Variants in EIF4G3 observed in about 807,000 individuals in gnomAD.
EIF4G3 encodes the protein eukaryotic translation initiation factor 4 gamma 3, also known as eIF-4-gamma 3.
In EIF4G3, 34 loss-of-function variants were observed where a neutral mutation model predicts 186.4. That is an observed-to-expected ratio of 0.18 (90% CI 0.14 to 0.24). The LOEUF is 0.24. Ranked by LOEUF, EIF4G3 falls within the 10% of genes least tolerant of loss-of-function variation. The probability of loss-of-function intolerance (pLI) is 1.00; values close to 1 mark genes in which losing one functional copy is unlikely to be tolerated. For missense variants in EIF4G3, 1,536 were observed against 1,948.5 expected, an observed-to-expected ratio of 0.79 and a Z score of 3.99; for synonymous variants, 673 against 679.5, an observed-to-expected ratio of 0.99 and a Z score of 0.15.
chr1:21,057,572 T>G (rs1196867661), intron 3 of EIF4G3, among the ~76,000 whole-genome samples: 3 of 152,132 alleles, frequency 2.0e-5, no homozygotes, highest in African/African-American at 7.2e-5. Context: ...AGAAAGGGCA[T>G]GTGATTTTTT....
rs552484065 is a variant in EIF4G3, at chr1:20,907,664, A to G, written c.1664-2693T>C. 8.5e-4 allele frequency among the ~76,000 whole-genome samples: 129 copies of G among 151,684 alleles called. 1 individual carries two copies. Among genetic ancestry groups the G allele is most frequent in the African/African-American group, 3.0e-3 (125 of 41,330 alleles). ...GTGTTTGGTTTTCTTTGTCCTTGCG[A>G]TATTTTGCTGAGAATGATGGTTTCC... On this transcript the variant is annotated intron_variant, in intron 14 of 36. Transcript: ENST00000602326.
rs770111438 is a variant in EIF4G3 at position 20,973,098 on chromosome 1, T to C, written c.495A>G (p.Gly165=). 1 of 1,607,282 alleles carries C rather than the reference T, an allele frequency of 6.2e-7. No individual in the cohort carries two copies. The highest frequency in any genetic ancestry group is 8.5e-7 in the Non-Finnish European group (1 of 1,178,276). ...CCGGCTGACTTGGGTAAAAAGGCGTTCCTAAAAAGTTGGAAAAAATTAAAT... is the reference window on the plus strand; with the variant it reads ...CCGGCTGACTTGGGTAAAAAGGCGTCCCTAAAAAGTTGGAAAAAATTAAAT... ...PGPGDFPNAY[G]TPFYPSQPVY... Residue 165 remains glycine, a splice_region_variant and synonymous_variant, in exon 11 of 37, where the codon GGA becomes GGG. Transcript: ENST00000602326.
rs374925916 is a variant in EIF4G3 at position 21,150,091 on chromosome 1, G to C, written c.-272+26084C>G. 6.2e-4 allele frequency among the ~76,000 whole-genome samples: 94 copies of C among 152,300 alleles called. 1 individual carries two copies. The South Asian group carries it at 0.019, about 30-fold the overall frequency. The stretch of plus-strand genomic sequence containing the variant: ...CAATTCTTGTGGCCACAACCATTAA[G>C]AGAATCCTGAGCCAGGACATTCTCC... On this transcript the variant is annotated intron_variant, in intron 2 of 36. Coordinates refer to ENST00000602326, the MANE Select transcript of EIF4G3 (RefSeq NM_001391906.1).
At chr1:20,897,252 T>C (rs2088548201) in intron 16 of EIF4G3, among the ~76,000 whole-genome samples, 1 of 152,082 alleles carries the variant, frequency 6.6e-6, no homozygotes, top group Admixed American at 6.6e-5. Context: ...TAAGTAACCT[T>C]TGGCCAGGGA....
intron 14 of EIF4G3, among the ~76,000 whole-genome samples, chr1:20,934,959 T>C (rs2095471239): frequency 6.6e-6 from 1 of 152,182 alleles, no homozygotes; most frequent in Non-Finnish European, 1.5e-5. Context: ...TAAAACTTCC[T>C]AATACATCAC....
intron 14 of EIF4G3, among the ~76,000 whole-genome samples, chr1:20,930,919 G>A (rs993911314): frequency 2.0e-5 from 3 of 151,836 alleles, no homozygotes; most frequent in African/African-American, 7.3e-5. Flanking sequence ...TTGTGCAGAT[G>A]AACTTTGAAG....
At chr1:21,014,657 T>C (rs2088323379) in intron 4 of EIF4G3, among the ~76,000 whole-genome samples, 1 of 144,074 alleles carries the variant, frequency 6.9e-6, no homozygotes, top group African/African-American at 2.6e-5. Context: ...TTTTTTGGTA[T>C]GGAGTCCTAT....
chr1:20,922,883 TA>T (rs2094580104), intron 14 of EIF4G3, among the ~76,000 whole-genome samples: 1 of 152,232 alleles, frequency 6.6e-6, no homozygotes, highest in South Asian at 2.1e-4. Context: ...GCAAATCTGT[TA>T]ATGAATAAAT....
chr1:20,956,933 A>C (rs936832783), intron 12 of EIF4G3, among the ~76,000 whole-genome samples: 4 of 152,232 alleles, frequency 2.6e-5, no homozygotes, highest in Non-Finnish European at 5.9e-5. Flanking sequence ...AGGGGTCACA[A>C]ACTCAAATCC....
intron 4 of EIF4G3, among the ~76,000 whole-genome samples, chr1:21,013,015 C>T (rs543617380): frequency 5.9e-5 from 9 of 151,998 alleles, no homozygotes; most frequent in South Asian, 4.2e-4. Flanking sequence ...AGATTTAGTG[C>T]GGAATATGAA....
intron 14 of EIF4G3, among the ~76,000 whole-genome samples, chr1:20,930,326 T>C (rs143137249): frequency 4.7e-4 from 71 of 152,352 alleles, no homozygotes; most frequent in Admixed American, 2.7e-3. Context: ...TATCATGTGA[T>C]ACTATTTGAT....
At chr1:21,061,654 TG>T (rs1474099243) in intron 3 of EIF4G3, among the ~76,000 whole-genome samples, 1 of 151,816 alleles carries the variant, frequency 6.6e-6, no homozygotes, top group Non-Finnish European at 1.5e-5. Flanking sequence ...AATTTATTTC[TG>T]GATCAATTTT....
intron 4 of EIF4G3, among the ~76,000 whole-genome samples, chr1:21,025,029 T>C (rs536069742): frequency 2.0e-5 from 3 of 152,086 alleles, no homozygotes; most frequent in Admixed American, 6.5e-5. Context: ...TCAACAGTGA[T>C]AGATGGTGAG....
At chr1:20,954,958 T>C (rs116621219) in intron 12 of EIF4G3, among the ~76,000 whole-genome samples, 1,806 of 152,278 alleles carry the variant, frequency 0.012, 26 homozygotes, top group African/African-American at 0.035. Flanking sequence ...AATGTTGGCA[T>C]GTAGGAGGAA....
chr1:20,882,050 C>A (rs1352649187), intron 19 of EIF4G3, among the ~76,000 whole-genome samples: 1 of 151,920 alleles, frequency 6.6e-6, no homozygotes, highest in African/African-American at 2.4e-5. Flanking sequence ...GTAGTCCTAG[C>A]TACTTGTGGG....
chr1:21,118,551 C>T (rs922440134), intron 2 of EIF4G3, among the ~76,000 whole-genome samples: 2 of 152,054 alleles, frequency 1.3e-5, no homozygotes, highest in Admixed American at 1.3e-4. Flanking sequence ...CTTTGGGAGG[C>T]GGAGGCGGGC....
intron 11 of EIF4G3, among the ~76,000 whole-genome samples, chr1:20,971,007 T>C (rs1450087409): frequency 6.6e-6 from 1 of 152,238 alleles, no homozygotes; most frequent in East Asian, 1.9e-4. Context: ...TGACACAGAA[T>C]AATCATTAAG....
At chr1:21,021,875 AT>A (rs1374310496) in intron 4 of EIF4G3, among the ~76,000 whole-genome samples, 1 of 152,146 alleles carries the variant, frequency 6.6e-6, no homozygotes. Flanking sequence ...TTAAGACTCA[AT>A]TACAGTACAT....
intron 2 of EIF4G3, among the ~76,000 whole-genome samples, chr1:21,157,923 C>G (rs1287680056): frequency 6.6e-6 from 1 of 152,126 alleles, no homozygotes; most frequent in African/African-American, 2.4e-5. Flanking sequence ...TAACGTGATT[C>G]TGAAATACAA....
Sources: gnomAD v4.1 joint callset for allele counts (sites outside exome capture counted in the v4.1 genomes callset) on GRCh38, gnomAD v4.1.1 for gene constraint, MANE v1.5 for transcripts, NCBI Gene and HGNC (gene_info 2026-07-23, HGNC 2026-07-21) for gene names.